The following EPS8L1 variants were observed in gnomAD, a reference collection of about 807,000 sequenced individuals.
The protein encoded by EPS8L1 is epidermal growth factor receptor kinase substrate 8-like protein 1.
EPS8L1 carries 101 observed loss-of-function variants against 91.7 expected under a neutral mutation model. The ratio of observed to expected loss-of-function variants is 1.10; its 90% CI spans 0.94 to 1.30. The LOEUF (loss-of-function observed/expected upper bound fraction) is 1.30. Among genes scored for constraint, EPS8L1 ranks in the 50% most tolerant of loss-of-function variants. The probability of loss-of-function intolerance (pLI) is 0.00; values close to 1 mark genes in which losing one functional copy is unlikely to be tolerated. For missense variants in EPS8L1, 1,114 were observed against 1,017.0 expected, an observed-to-expected ratio of 1.10 and a Z score of -1.30; for synonymous variants, 506 against 445.3, an observed-to-expected ratio of 1.14 and a Z score of -1.72.
At chr19:55,077,971 T>TAAC (rs1468248747) in intron 2 of EPS8L1, 117 bp from the exon 3 acceptor site, 23 of 467,254 alleles carry the variant, frequency 4.9e-5, no homozygotes, top group Non-Finnish European at 6.7e-5. Context: ...ATAATAATAA[T>TAAC]AACCCTTCCA....
At chr19:55,080,002 A>G in intron 5 of EPS8L1, 127 bp from the exon 6 acceptor site, 1 of 1,433,078 alleles carries the variant, frequency 7.0e-7, no homozygotes, top group Admixed American at 2.6e-5. Flanking sequence ...CATCTATTAA[A>G]CAGGGCTGTT....
At chr19:55,087,202 A>G in intron 18 of EPS8L1, 101 bp from the exon 19 acceptor site, 1 of 1,478,320 alleles carries the variant, frequency 6.8e-7, no homozygotes, top group South Asian at 1.3e-5. Flanking sequence ...TAGAGCTAGA[A>G]TGCTGTTCTG....
intron 17 of EPS8L1, 40 bp downstream of exon 17, chr19:55,086,558 T>A (rs1170098202): frequency 1.3e-6 from 2 of 1,544,238 alleles, no homozygotes; most frequent in Admixed American, 4.0e-5. Context: ...GCGGTCCTTA[T>A]CCTTGCTTTC....
chr19:55,076,778 GAGGGAT>G (rs1025053996), intron 2 of EPS8L1, among the ~76,000 whole-genome samples: 2 of 152,244 alleles, frequency 1.3e-5, no homozygotes, highest in African/African-American at 4.8e-5. Flanking sequence ...TGAAAAATTG[GAGGGAT>G]AGTGCATTAC....
rs746166029 is a variant in EPS8L1 at position 55,086,754 on chromosome 19, G to A, written c.1818G>A (p.Gln606=). ...SQMLIVNEEL[Q]ARLAQGRSGP... is the part of the protein sequence containing the mutation. The stretch of plus-strand genomic sequence containing the variant: ...TGCTCATCGTCAACGAGGAACTGCA[G>A]GCGCGCCTGGCCCAGGGCCGCTCGG... The change falls in exon 18 of 20, where the codon CAG becomes CAA. Residue 606 remains glutamine (Q), a synonymous_variant. Transcript: ENST00000201647. The A allele has an allele frequency of 3.7e-6, 6 of 1,610,912 alleles. No homozygotes were observed. The highest frequency in any genetic ancestry group is 2.2e-5 in the East Asian group (1 of 44,778).
rs756859277 is a variant in EPS8L1, at chr19:55,081,502, T to C, written c.774+10T>C. On this transcript the variant is annotated intron_variant, in intron 8 of 19. Coordinates refer to ENST00000201647, the MANE Select transcript of EPS8L1 (RefSeq NM_133180.3). The surrounding 1 kb of genome is among the most constrained non-coding windows in gnomAD (Gnocchi z 4.9). ...GGCGGAGCGGGAAGTGGTGAGCCGC[T>C]AAGGAAGGGGTCTGGGGGCAGGGCC... 3 of 1,567,562 alleles carry C rather than the reference T, an allele frequency of 1.9e-6. No individual in the cohort carries two copies. Among genetic ancestry groups the C allele is most frequent in the Non-Finnish European group, 2.6e-6 (3 of 1,157,542 alleles).
intron 7 of EPS8L1, 108 bp downstream of exon 7, chr19:55,080,962 G>C: frequency 9.1e-7 from 1 of 1,097,610 alleles, no homozygotes; most frequent in South Asian, 1.6e-5. Flanking sequence ...ATGGAGTCAA[G>C]CACACCCTAG....
Position 55,081,071 on chromosome 19 carries a change from A to G in EPS8L1, c.513-160A>G, listed in dbSNP as rs983086871. 1.5e-5 allele frequency: 15 copies of G among 994,252 alleles called. No individual in the cohort carries two copies. In the African/African-American group the frequency reaches 2.3e-4, roughly 15 times the overall value. The allele number at this position is 994,252 out of a possible 1,614,324, so 61.6% of individuals were successfully genotyped here. A position where few individuals can be genotyped will look rare whatever the true frequency, so the allele number is the denominator to read the frequency against. ...CCAGGCCCTCAGTTTCACTCTAGAGAGGTGCTATCCCTCCGTATATCGGAT... is the reference window on the plus strand; with the variant it reads ...CCAGGCCCTCAGTTTCACTCTAGAGGGGTGCTATCCCTCCGTATATCGGAT... On this transcript the variant is annotated intron_variant, in intron 7 of 19. Coordinates refer to ENST00000201647, the MANE Select transcript of EPS8L1 (RefSeq NM_133180.3). The surrounding 1 kb of genome is among the most constrained non-coding windows in gnomAD (Gnocchi z 4.9).
chr19:55,082,713 T>G, intron 12 of EPS8L1, 111 bp downstream of exon 12: 200 of 990,618 alleles, frequency 2.0e-4, no homozygotes, highest in Non-Finnish European at 2.5e-4. Flanking sequence ...AGGGAGGGGT[T>G]AGAGGCGTGG....
intron 4 of EPS8L1, 104 bp downstream of exon 4, chr19:55,079,161 G>A: frequency 7.2e-6 from 9 of 1,249,924 alleles, no homozygotes; most frequent in Non-Finnish European, 9.4e-6. Context: ...GGAAGCATGT[G>A]GAAAGTCAGT....
chr19:55,086,378 CTCCT>C lies in EPS8L1; in HGVS notation c.1651-8_1651-5del, dbSNP rs999397791. 1 of 1,588,676 alleles carries C rather than the reference CTCCT, an allele frequency of 6.3e-7. No homozygotes were observed. The highest frequency in any genetic ancestry group is 8.6e-7 in the Non-Finnish European group (1 of 1,166,490). ...CTCTCCCTAACCCAGGTACTCTCCT[CTCCT>C]TCCTTTCAGAACAGCACTCCTCCTC... On this transcript the variant is annotated splice_polypyrimidine_tract_variant and intron_variant, in intron 16 of 19. Coordinates refer to ENST00000201647, the MANE Select transcript of EPS8L1 (RefSeq NM_133180.3).
rs780069104 is a variant in EPS8L1, at chr19:55,080,757, C to G, written c.430-15C>G. ...TGCGGCGTGGGGAGGCGTGGCCTGA[C>G]GGTGTGATTGGCAGGCGGAGCTGAT... On this transcript the variant is annotated splice_polypyrimidine_tract_variant and intron_variant, in intron 6 of 19. Coordinates refer to ENST00000201647, the MANE Select transcript of EPS8L1 (RefSeq NM_133180.3). 4.3e-6 allele frequency: 7 copies of G among 1,610,440 alleles called. No homozygotes were observed. Among genetic ancestry groups the G allele is most frequent in the Non-Finnish European group, 4.2e-6 (5 of 1,178,416 alleles).
At position 55,085,943 on chromosome 19, in the gene EPS8L1, G is replaced by C. The variant is rs1445106971; in HGVS notation, c.1488G>C (p.Glu496Asp). ...NYDFQARNSS[E>D]LSVKQRDVLE... is the part of the protein sequence containing the mutation. ...ACTTCCAGGCCCGCAACAGCAGTGA[G>C]CTGTCGGTCAAGCAGCGGGACGTAC... Residue 496 changes from glutamate to aspartate, a missense_variant, in exon 15 of 20, where the codon GAG (glutamate) becomes GAC (aspartate). Transcript: ENST00000201647. 2 of 1,613,734 alleles carry C rather than the reference G, an allele frequency of 1.2e-6. No homozygotes were observed. Among genetic ancestry groups the C allele is most frequent in the African/African-American group, 2.7e-5 (2 of 75,020 alleles).
At position 55,081,529 on chromosome 19, in the gene EPS8L1, G is replaced by C; in HGVS notation, c.774+37G>C. 1 of 1,518,524 alleles carries C rather than the reference G, an allele frequency of 6.6e-7. No homozygotes were observed. The highest frequency in any genetic ancestry group is 8.8e-7 in the Non-Finnish European group (1 of 1,135,482). The allele number at this position is 1,518,524 out of a possible 1,614,324, so 94.1% of individuals were successfully genotyped here. A position where few individuals can be genotyped will look rare whatever the true frequency, so the allele number is the denominator to read the frequency against. On this transcript the variant is annotated intron_variant, in intron 8 of 19. Transcript: ENST00000201647. The surrounding 1 kb of genome is among the most constrained non-coding windows in gnomAD (Gnocchi z 4.9). ...AGGAAGGGGTCTGGGGGCAGGGCCA[G>C]GCGACTGGAGGCGGGGCTAGGGCGT... is the stretch of plus-strand genomic sequence containing the variant.
chr19:55,087,771 T>C lies in EPS8L1; in HGVS notation c.*157T>C, dbSNP rs1029408627. The C allele has an allele frequency of 2.7e-6, 2 of 749,594 alleles. No homozygotes were observed. The highest frequency in any genetic ancestry group is 1.7e-5 in the African/African-American group (1 of 57,740). The allele number at this position is 749,594 out of a possible 1,614,324, so 46.4% of individuals were successfully genotyped here. On this transcript the variant is annotated 3_prime_UTR_variant, in exon 20 of 20. Coordinates refer to ENST00000201647, the MANE Select transcript of EPS8L1 (RefSeq NM_133180.3). ...GGTGGACAGACTTAACGATCCTTGC[T>C]GCAGTCCCTCCGGAGAGGATCTGGA...
At position 55,081,796 on chromosome 19, in the gene EPS8L1, C is replaced by T; in HGVS notation, c.798C>T (p.Asp266=). ...AGGACATCCTGAACCACGTGTTCGA[C>T]GACGTAGAGAGCTTTGTATCGAGGC... ...REVDILNHVF[D]DVESFVSRLQ... The change falls in exon 9 of 20, where the codon GAC becomes GAT. Residue 266 remains aspartate (D), a synonymous_variant. Coordinates refer to ENST00000201647, the MANE Select transcript of EPS8L1 (RefSeq NM_133180.3). This position sits in a 1 kb window ranked among gnomAD's most constrained non-coding sequence, Gnocchi z 4.9. The T allele has an allele frequency of 6.2e-7, 1 of 1,611,118 alleles. No homozygotes were observed. The highest frequency in any genetic ancestry group is 8.5e-7 in the Non-Finnish European group (1 of 1,177,774).
chr19:55,086,643 G>GCC, intron 17 of EPS8L1, 71 bp from the exon 18 acceptor site: 1 of 817,514 alleles, frequency 1.2e-6, no homozygotes. Context: ...GCGCCCCCCC[G>GCC]CCCCGCCCTC....
At chr19:55,076,608 C>A in intron 2 of EPS8L1, 147 bp downstream of exon 2, 1 of 983,786 alleles carries the variant, frequency 1.0e-6, no homozygotes. Flanking sequence ...GAAGCCAGAG[C>A]CTCTCTCCTC....
At chr19:55,076,602 C>A in intron 2 of EPS8L1, 141 bp downstream of exon 2, 2 of 1,035,488 alleles carry the variant, frequency 1.9e-6, no homozygotes, top group Non-Finnish European at 1.4e-6. Flanking sequence ...CAGGAGGAAG[C>A]CAGAGCCTCT....
Sources: allele counts gnomAD v4.1 joint callset (sites outside exome capture counted in the v4.1 genomes callset), GRCh38; gene constraint gnomAD v4.1.1; non-coding constraint Gnocchi (gnomAD v3.1); transcripts MANE v1.5; gene names NCBI Gene and HGNC (gene_info 2026-07-23, HGNC 2026-07-21).